The following CSGALNACT1 variants were observed in gnomAD, a reference collection of about 807,000 sequenced individuals.
CSGALNACT1 encodes the protein chondroitin sulfate N-acetylgalactosaminyltransferase 1, also known as beta4GalNAcT-1.
In CSGALNACT1, 52 loss-of-function variants were observed where a neutral mutation model predicts 51.0. The observed-to-expected ratio is 1.02, with a 90% CI of 0.82 to 1.29. CSGALNACT1 has a LOEUF of 1.29. Among genes scored for constraint, CSGALNACT1 ranks in the 50% most tolerant of loss-of-function variants. The pLI is 0.00. For missense variants in CSGALNACT1, 935 were observed against 679.2 expected, an observed-to-expected ratio of 1.38 and a Z score of -4.19; for synonymous variants, 341 against 254.4, an observed-to-expected ratio of 1.34 and a Z score of -3.24.
chr8:19,622,744 G>A (rs74886184), intron 1 of CSGALNACT1, among the ~76,000 whole-genome samples: 10,938 of 151,928 alleles, frequency 0.072, 449 homozygotes, highest in South Asian at 0.11. Flanking sequence ...TAATTAATAA[G>A]CTAATAAAGA....
In CSGALNACT1 at chr8:19,493,564, G is replaced by A. The variant is rs1429972550; in HGVS notation, c.634+11637C>T. Among the ~76,000 whole-genome samples, 3 of 152,160 alleles carry A rather than the reference G, an allele frequency of 2.0e-5. No homozygotes were observed. The South Asian group carries it at 6.2e-4, about 31-fold the overall frequency. ...CTGTCTCTGCTGATTTGCCTATGCTGGACATTTCACAGACATGGAATTATA... is the reference window on the plus strand; with the variant it reads ...CTGTCTCTGCTGATTTGCCTATGCTAGACATTTCACAGACATGGAATTATA... On this transcript the variant is annotated intron_variant, in intron 4 of 9. Transcript: ENST00000454498.
chr8:19,624,143 G>A (rs1269683910), intron 1 of CSGALNACT1, among the ~76,000 whole-genome samples: 5 of 152,174 alleles, frequency 3.3e-5, no homozygotes, highest in African/African-American at 1.2e-4. Context: ...AGACTATTTG[G>A]ACCACCTCTT....
chr8:19,670,323 T>C (rs768557311), intron 1 of CSGALNACT1, among the ~76,000 whole-genome samples: 6 of 152,168 alleles, frequency 3.9e-5, no homozygotes, highest in Non-Finnish European at 7.3e-5. Context: ...CATAAAATCC[T>C]CCTTCCCAAA....
chr8:19,566,488 G>A (rs888106963), intron 3 of CSGALNACT1, among the ~76,000 whole-genome samples: 14 of 152,164 alleles, frequency 9.2e-5, no homozygotes, highest in Admixed American at 2.0e-4. Flanking sequence ...GCAGCCACAG[G>A]AAACCAACAC....
chr8:19,527,792 G>C (rs1403509142), intron 3 of CSGALNACT1, among the ~76,000 whole-genome samples: 1 of 152,154 alleles, frequency 6.6e-6, no homozygotes, highest in Non-Finnish European at 1.5e-5. Context: ...AGGAGATTAT[G>C]AGTGTGGGCT....
intron 2 of CSGALNACT1, among the ~76,000 whole-genome samples, chr8:19,597,114 C>G (rs1564199598): frequency 2.0e-5 from 3 of 152,040 alleles, no homozygotes; most frequent in African/African-American, 7.2e-5. Context: ...CTGCGACTGG[C>G]TAATTTCACA....
intron 1 of CSGALNACT1, among the ~76,000 whole-genome samples, chr8:19,647,236 T>C (rs1382530432): frequency 6.6e-6 from 1 of 152,102 alleles, no homozygotes; most frequent in Non-Finnish European, 1.5e-5. Flanking sequence ...TATTTCCTGA[T>C]TTTATACCCC....
chr8:19,693,189 C>T (rs3735956), intron 1 of CSGALNACT1, among the ~76,000 whole-genome samples: 1 of 151,976 alleles, frequency 6.6e-6, no homozygotes, highest in Non-Finnish European at 1.5e-5. Context: ...ACTGGAGGAC[C>T]AGAGGAAGCC....
intron 5 of CSGALNACT1, among the ~76,000 whole-genome samples, chr8:19,447,001 C>T (rs1291818497): frequency 6.6e-6 from 1 of 152,164 alleles, no homozygotes; most frequent in Non-Finnish European, 1.5e-5. Flanking sequence ...GTATCACAGT[C>T]ACTTAGACAC....
chr8:19,655,291 G>A (rs143189745), intron 1 of CSGALNACT1, among the ~76,000 whole-genome samples: 1 of 152,092 alleles, frequency 6.6e-6, no homozygotes, highest in East Asian at 1.9e-4. Flanking sequence ...TCACTCAAGA[G>A]AAGGCTCTTA....
chr8:19,444,926 G>T (rs538404575), intron 5 of CSGALNACT1, among the ~76,000 whole-genome samples: 19 of 152,284 alleles, frequency 1.2e-4, no homozygotes, highest in Admixed American at 3.9e-4. Flanking sequence ...ATTCCAGATG[G>T]AAGAAATAGG....
chr8:19,424,871 C>CA (rs1374958766), intron 6 of CSGALNACT1, among the ~76,000 whole-genome samples: 1 of 152,200 alleles, frequency 6.6e-6, no homozygotes, highest in Non-Finnish European at 1.5e-5. Flanking sequence ...CTGCAGCCCC[C>CA]AAATGCAGAC....
Position 19,730,974 on chromosome 8 carries a change from G to C in CSGALNACT1, c.-297+26876C>G, listed in dbSNP as rs570025030. On this transcript the variant is annotated intron_variant, in intron 1 of 1. Transcript: ENST00000517494. ...CAAACACCCTGGGAGGAGAGGTGGG[G>C]AACTCCTTGAAGCGTCAGAGAATGG... Among the ~76,000 whole-genome samples the C allele has an allele frequency of 1.5e-3, 225 of 152,258 alleles. 6 individuals carry two copies. In the South Asian group the frequency reaches 0.042, roughly 29 times the overall value.
chr8:19,715,557 C>G, intron 1 of CSGALNACT1, among the ~76,000 whole-genome samples: 1 of 152,128 alleles, frequency 6.6e-6, no homozygotes, highest in East Asian at 1.9e-4. Context: ...GATTCCATGT[C>G]TTTGCTGTTG....
At chr8:19,495,298 A>G (rs536713002) in intron 4 of CSGALNACT1, 1 of 152,328 alleles carries the variant, frequency 6.6e-6, no homozygotes, top group Non-Finnish European at 1.5e-5. Flanking sequence ...GCAGTCCTCT[A>G]TTTACAAATG....
chr8:19,726,181 A>T (rs2154242683), intron 1 of CSGALNACT1, among the ~76,000 whole-genome samples: 1 of 152,322 alleles, frequency 6.6e-6, no homozygotes, highest in South Asian at 2.1e-4. Flanking sequence ...TATTTGGATA[A>T]AAAAGTTATT....
intron 3 of CSGALNACT1, among the ~76,000 whole-genome samples, chr8:19,518,968 A>C (rs1337199841): frequency 1.3e-5 from 2 of 152,200 alleles, no homozygotes; most frequent in Non-Finnish European, 2.9e-5. Flanking sequence ...TTCCTGATAA[A>C]ATGATCCTTG....
chr8:19,718,820 C>T (rs1470644018), intron 1 of CSGALNACT1, among the ~76,000 whole-genome samples: 4 of 152,194 alleles, frequency 2.6e-5, no homozygotes, highest in Non-Finnish European at 5.9e-5. Context: ...GCAAGGATCA[C>T]CACGACCGTG....
intron 3 of CSGALNACT1, among the ~76,000 whole-genome samples, chr8:19,560,820 A>G (rs2040537245): frequency 6.6e-6 from 1 of 152,342 alleles, no homozygotes; most frequent in East Asian, 1.9e-4. Flanking sequence ...AGAGAAAGGC[A>G]TGCTGGTATG....
Sources: allele counts gnomAD v4.1 joint callset (sites outside exome capture counted in the v4.1 genomes callset), GRCh38; gene constraint gnomAD v4.1.1; transcripts MANE v1.5; gene names NCBI Gene and HGNC (gene_info 2026-07-23, HGNC 2026-07-21).